ITFG1: variants seen among roughly 807,000 people sequenced by gnomAD.
The protein encoded by ITFG1 is T-cell immunomodulatory protein.
A neutral mutation model predicts 81.8 loss-of-function variants in ITFG1; 34 were observed. That is an observed-to-expected ratio of 0.42 (90% confidence interval 0.32 to 0.55). The LOEUF (loss-of-function observed/expected upper bound fraction) is 0.55. Among genes scored for constraint, ITFG1 ranks in the 20% least tolerant of loss-of-function variants. The pLI, the probability that ITFG1 is intolerant of heterozygous loss-of-function variation, is 0.17. For synonymous variants in ITFG1, 285 were observed against 270.6 expected (o/e 1.05, Z -0.52); for missense variants, 672 against 755.4 (o/e 0.89, Z 1.29).
At chr16:47,447,076 C>T (rs567390514) in intron 5 of ITFG1, among the ~76,000 whole-genome samples, 2 of 152,110 alleles carry the variant, frequency 1.3e-5, no homozygotes, top group South Asian at 4.2e-4. Context: ...CTGTGTTACC[C>T]AGGCTGGTCT....
chr16:47,189,768 A>C (rs1481810236), intron 14 of ITFG1, among the ~76,000 whole-genome samples: 2 of 152,314 alleles, frequency 1.3e-5, no homozygotes, highest in East Asian at 3.9e-4. Flanking sequence ...TTTTTGAAGA[A>C]CTGAGTAGTT....
chr16:47,381,638 T>C (rs1220738544), intron 6 of ITFG1, among the ~76,000 whole-genome samples: 4 of 152,182 alleles, frequency 2.6e-5, no homozygotes, highest in Non-Finnish European at 5.9e-5. Flanking sequence ...TATAGTAGTA[T>C]CCAGTTTCTC....
intron 8 of ITFG1, among the ~76,000 whole-genome samples, chr16:47,361,324 T>G (rs1968106254): frequency 6.6e-6 from 1 of 152,134 alleles, no homozygotes; most frequent in Non-Finnish European, 1.5e-5. Context: ...CCCTTCAGTT[T>G]TATAGCTTTT....
chr16:47,306,016 T>C (rs1460645162), intron 10 of ITFG1, among the ~76,000 whole-genome samples: 1 of 152,170 alleles, frequency 6.6e-6, no homozygotes, highest in Non-Finnish European at 1.5e-5. Flanking sequence ...ATAATACCAC[T>C]GAACGAGAAG....
chr16:47,182,469 T>C (rs1965140069), intron 14 of ITFG1, among the ~76,000 whole-genome samples: 2 of 152,192 alleles, frequency 1.3e-5, no homozygotes, highest in South Asian at 2.1e-4. Context: ...ACTGATTTAT[T>C]TGATCTTTAG....
At chr16:47,247,237 CCT>C (rs1246652007) in intron 12 of ITFG1, among the ~76,000 whole-genome samples, 5 of 151,600 alleles carry the variant, frequency 3.3e-5, no homozygotes, top group African/African-American at 1.2e-4. Context: ...CATTTTTTCC[CCT>C]CTTATTGCTC....
intron 6 of ITFG1, among the ~76,000 whole-genome samples, chr16:47,393,745 A>AT (rs999064767): frequency 2.6e-5 from 4 of 151,756 alleles, no homozygotes; most frequent in Admixed American, 6.6e-5. Context: ...AAAAAAAGAA[A>AT]TTTTTTTTGG....
intron 10 of ITFG1, among the ~76,000 whole-genome samples, chr16:47,305,898 GA>G (rs1308456968): frequency 1.3e-5 from 2 of 152,106 alleles, no homozygotes; most frequent in African/African-American, 4.8e-5. Flanking sequence ...GGAAACTGAA[GA>G]AAGAACAAAA....
chr16:47,387,131 C>T (rs1968472723), intron 6 of ITFG1, among the ~76,000 whole-genome samples: 1 of 152,160 alleles, frequency 6.6e-6, no homozygotes, highest in African/African-American at 2.4e-5. Context: ...TTACTGAAGC[C>T]TAACAGCTGA....
chr16:47,323,325 G>A (rs1173104235), intron 8 of ITFG1, among the ~76,000 whole-genome samples: 1 of 152,092 alleles, frequency 6.6e-6, no homozygotes, highest in Non-Finnish European at 1.5e-5. Flanking sequence ...TTATATTTGG[G>A]AAGAAGATGA....
intron 5 of ITFG1, chr16:47,450,400 AC>A (rs1446271836): frequency 1.3e-5 from 5 of 395,800 alleles, no homozygotes; most frequent in Non-Finnish European, 2.4e-5. Context: ...ACCAGGTCTG[AC>A]CTTGGTTAGC....
intron 8 of ITFG1, among the ~76,000 whole-genome samples, chr16:47,345,205 G>A (rs1021656364): frequency 6.6e-6 from 1 of 151,784 alleles, no homozygotes; most frequent in Non-Finnish European, 1.5e-5. Flanking sequence ...AATGGAAGAA[G>A]AAAAATGGTC....
At chr16:47,387,782 C>T (rs953875689) in intron 6 of ITFG1, among the ~76,000 whole-genome samples, 1 of 151,940 alleles carries the variant, frequency 6.6e-6, no homozygotes, top group Non-Finnish European at 1.5e-5. Context: ...ACCTAAATGT[C>T]CAATAAAAAA....
At chr16:47,218,445 C>T (rs893911622) in intron 14 of ITFG1, 2 of 151,904 alleles carry the variant, frequency 1.3e-5, no homozygotes, top group Non-Finnish European at 2.9e-5. Flanking sequence ...AAAAAACCCT[C>T]TCTATGTATT....
chr16:47,165,267 T>C (rs990044749), intron 14 of ITFG1, among the ~76,000 whole-genome samples: 1 of 152,234 alleles, frequency 6.6e-6, no homozygotes. Context: ...ACATCACTAA[T>C]GTTATCCAAA....
intron 8 of ITFG1, among the ~76,000 whole-genome samples, chr16:47,330,499 A>C (rs1278941480): frequency 6.6e-6 from 1 of 152,020 alleles, no homozygotes; most frequent in Non-Finnish European, 1.5e-5. Flanking sequence ...AAACAAACCC[A>C]AAAAACAAAA....
intron 10 of ITFG1, among the ~76,000 whole-genome samples, chr16:47,293,665 A>G (rs1174855234): frequency 1.3e-5 from 2 of 151,632 alleles, no homozygotes; most frequent in African/African-American, 2.4e-5. Flanking sequence ...AAAAATGTCT[A>G]CTTGAGTCCT....
At chr16:47,213,178 G>A (rs1965584107) in intron 14 of ITFG1, among the ~76,000 whole-genome samples, 1 of 152,140 alleles carries the variant, frequency 6.6e-6, no homozygotes, top group African/African-American at 2.4e-5. Context: ...TTAGAAATAA[G>A]ATGTTTAAGT....
intron 10 of ITFG1, among the ~76,000 whole-genome samples, chr16:47,274,273 A>C (rs1966374906): frequency 6.6e-6 from 1 of 152,000 alleles, no homozygotes; most frequent in Admixed American, 6.6e-5. Flanking sequence ...AAAAAAAAAG[A>C]ACTAACCAAA....
Sources: gnomAD v4.1 joint callset for allele counts (sites outside exome capture counted in the v4.1 genomes callset) on GRCh38, gnomAD v4.1.1 for gene constraint, MANE v1.5 for transcripts, NCBI Gene and HGNC (gene_info 2026-07-23, HGNC 2026-07-21) for gene names.